Variants in FOXP1 observed in about 807,000 individuals in gnomAD.
The protein encoded by FOXP1 is forkhead box P1, also known as forkhead box protein P1.
Under a neutral mutation model 98.2 loss-of-function variants are expected in FOXP1, and 15 were observed. That is an observed-to-expected ratio of 0.15 (90% CI 0.10 to 0.24). The LOEUF (loss-of-function observed/expected upper bound fraction) is 0.24. FOXP1 is among the 10% of genes least tolerant of loss of function. The pLI is 1.00. For missense variants in FOXP1, 633 were observed against 848.5 expected (o/e 0.75, Z 3.15); for synonymous variants, 371 against 314.5 (o/e 1.18, Z -1.90).
At chr3:71,087,831 G>T (rs1246543033) in intron 7 of FOXP1, among the ~76,000 whole-genome samples, 1 of 152,132 alleles carries the variant, frequency 6.6e-6, no homozygotes, top group East Asian at 1.9e-4. Context: ...TACTGTACAT[G>T]TGAAATCATG....
intron 7 of FOXP1, among the ~76,000 whole-genome samples, chr3:71,109,442 T>G (rs1465269644): frequency 6.8e-6 from 1 of 148,016 alleles, no homozygotes; most frequent in Non-Finnish European, 1.5e-5. Flanking sequence ...TTTTTTTCCC[T>G]CAAGCTATCA....
chr3:71,345,441 CACAT>C lies in FOXP1; in HGVS notation c.-73+13705_-73+13708del, dbSNP rs1363106876. Among the ~76,000 whole-genome samples the C allele has an allele frequency of 2.2e-3, 201 of 93,126 alleles. 3 individuals are homozygous for C. The highest frequency in any genetic ancestry group is 2.9e-3 in the Non-Finnish European group (114 of 39,056). 61.1% of individuals were successfully genotyped at this position (93,126 alleles called of 152,430 possible). ...ACACACACACACACACACACACACA[CACAT>C]ATATATACCAAAAAGATCAAAACCT... On this transcript the variant is annotated intron_variant, in intron 4 of 20. Coordinates refer to ENST00000649528, the MANE Select transcript of FOXP1 (RefSeq NM_001349338.3).
intron 4 of FOXP1, among the ~76,000 whole-genome samples, chr3:71,320,331 G>C (rs983449281): frequency 1.3e-5 from 2 of 151,774 alleles, no homozygotes; most frequent in African/African-American, 4.8e-5. Flanking sequence ...GCCGCTGCTT[G>C]GTCCTCTGCT....
At chr3:71,107,558 A>T (rs1409128519) in intron 7 of FOXP1, among the ~76,000 whole-genome samples, 1 of 152,166 alleles carries the variant, frequency 6.6e-6, no homozygotes, top group African/African-American at 2.4e-5. Flanking sequence ...GCTTTGTATC[A>T]ATTTAAAATG....
At chr3:71,487,957 C>A (rs1438847106) in intron 3 of FOXP1, among the ~76,000 whole-genome samples, 2 of 151,912 alleles carry the variant, frequency 1.3e-5, no homozygotes, top group African/African-American at 4.8e-5. Flanking sequence ...TCAGTTAATG[C>A]AGAAATTTAA....
chr3:71,191,879 A>G (rs1324702374), intron 6 of FOXP1, among the ~76,000 whole-genome samples: 1 of 152,196 alleles, frequency 6.6e-6, no homozygotes, highest in Non-Finnish European at 1.5e-5. Flanking sequence ...TTCCTACACA[A>G]AATATTTTTG....
intron 3 of FOXP1, among the ~76,000 whole-genome samples, chr3:71,388,845 C>CA (rs1390914685): frequency 6.6e-6 from 1 of 152,124 alleles, no homozygotes; most frequent in Non-Finnish European, 1.5e-5. Context: ...AGCTATTCAT[C>CA]ACAGCTAATG....
chr3:70,977,093 C>T (rs762568810), intron 16 of FOXP1, 51 bp from the exon 17 acceptor site: 28 of 1,181,690 alleles, frequency 2.4e-5, no homozygotes, highest in East Asian at 4.7e-5. Context: ...TCAGCAGAGT[C>T]GTCATTCCAC....
Position 70,978,034 on chromosome 3 carries a change from A to G in FOXP1, c.1147-5T>C. 6.2e-7 allele frequency: 1 copy of G among 1,613,706 alleles called. No individual in the cohort carries two copies. The highest frequency in any genetic ancestry group is 1.7e-4 in the Middle Eastern group (1 of 6,060). On this transcript the variant is annotated splice_polypyrimidine_tract_variant and splice_region_variant and intron_variant, in intron 14 of 20. Transcript: ENST00000649528. ...GACACTTGATACCAGATTCAACTGCAAGGAAAAAAACAACGTCTTAGAAGA... is the reference window on the plus strand; with the variant it reads ...GACACTTGATACCAGATTCAACTGCGAGGAAAAAAACAACGTCTTAGAAGA...
At chr3:70,974,660 A>G (rs1295299161) in intron 17 of FOXP1, among the ~76,000 whole-genome samples, 2 of 152,244 alleles carry the variant, frequency 1.3e-5, no homozygotes, top group Non-Finnish European at 2.9e-5. Context: ...CTGGAACAAA[A>G]TTGAGGTGGT....
intron 20 of FOXP1, among the ~76,000 whole-genome samples, chr3:70,963,569 C>T (rs181591872): frequency 6.6e-6 from 1 of 152,282 alleles, no homozygotes; most frequent in Admixed American, 6.5e-5. Context: ...CTCCTACTTC[C>T]GAAAGGGCTA....
chr3:71,120,366 C>T (rs970593823), intron 6 of FOXP1, among the ~76,000 whole-genome samples: 4 of 152,352 alleles, frequency 2.6e-5, no homozygotes, highest in East Asian at 3.9e-4. Flanking sequence ...CTCTATGTAG[C>T]ATCATCCATC....
At chr3:71,456,965 C>A (rs2087569841) in intron 3 of FOXP1, among the ~76,000 whole-genome samples, 1 of 152,038 alleles carries the variant, frequency 6.6e-6, no homozygotes, top group South Asian at 2.1e-4. Context: ...CCCTTAAAGA[C>A]AGCAGAATAC....
At chr3:71,221,819 T>TA (rs1159913489) in intron 5 of FOXP1, among the ~76,000 whole-genome samples, 2 of 152,182 alleles carry the variant, frequency 1.3e-5, no homozygotes, top group African/African-American at 4.8e-5. Flanking sequence ...ACTCAATGCT[T>TA]ATGGCTAGGA....
chr3:71,013,660 A>G (rs1483829467), intron 12 of FOXP1, among the ~76,000 whole-genome samples: 3 of 152,244 alleles, frequency 2.0e-5, no homozygotes, highest in Non-Finnish European at 4.4e-5. Flanking sequence ...TTTAAAGTTC[A>G]TATGGAACCA....
At chr3:71,582,072 C>CG in intron 1 of FOXP1, 1 of 954,900 alleles carries the variant, frequency 1.0e-6, no homozygotes, top group Non-Finnish European at 1.2e-6. Context: ...GGGAGCTGCG[C>CG]GGGAATGGGG....
intron 7 of FOXP1, among the ~76,000 whole-genome samples, chr3:71,108,897 A>C (rs2057673536): frequency 6.6e-6 from 1 of 152,222 alleles, no homozygotes; most frequent in Non-Finnish European, 1.5e-5. Context: ...TCCCATGAAC[A>C]CCAGCACCAT....
At chr3:71,540,113 G>C (rs2044671073) in intron 2 of FOXP1, among the ~76,000 whole-genome samples, 1 of 152,228 alleles carries the variant, frequency 6.6e-6, no homozygotes, top group Non-Finnish European at 1.5e-5. Flanking sequence ...GTGCATTGAA[G>C]ATATTACTGA....
chr3:71,426,291 G>A (rs1192154439), intron 3 of FOXP1, among the ~76,000 whole-genome samples: 1 of 152,172 alleles, frequency 6.6e-6, no homozygotes, highest in Admixed American at 6.5e-5. Context: ...TGCAGCCCCA[G>A]TAAATCACCA....
Sources: allele counts gnomAD v4.1 joint callset (sites outside exome capture counted in the v4.1 genomes callset), GRCh38; gene constraint gnomAD v4.1.1; transcripts MANE v1.5; gene names NCBI Gene and HGNC (gene_info 2026-07-23, HGNC 2026-07-21).